Variants in APBA1 observed in about 807,000 individuals in gnomAD.
APBA1 encodes the protein amyloid-beta A4 precursor protein-binding family A member 1.
Under a neutral mutation model 86.6 loss-of-function variants are expected in APBA1, and 55 were observed. That is an observed-to-expected ratio of 0.64 (90% confidence interval 0.51 to 0.80). The LOEUF is 0.80. Ranked by LOEUF, APBA1 falls within the 30% of genes least tolerant of loss-of-function variation. The pLI is 0.00. For synonymous variants in APBA1, 511 were observed against 493.9 expected, an observed-to-expected ratio of 1.03 and a Z score of -0.46; for missense variants, 1,090 against 1,183.0, an observed-to-expected ratio of 0.92 and a Z score of 1.15.
chr9:69,648,201 G>T (rs932441808), intron 1 of APBA1, among the ~76,000 whole-genome samples: 1 of 152,198 alleles, frequency 6.6e-6, no homozygotes, highest in Non-Finnish European at 1.5e-5. Flanking sequence ...CTCACCAAGA[G>T]CAGTGTCCTT....
chr9:69,658,157 G>T (rs1000372739), intron 1 of APBA1, among the ~76,000 whole-genome samples: 1 of 152,144 alleles, frequency 6.6e-6, no homozygotes, highest in Non-Finnish European at 1.5e-5. Flanking sequence ...CAACCTAATA[G>T]CTCCCTTGGT....
At chr9:69,620,399 G>A (rs950690579) in intron 1 of APBA1, among the ~76,000 whole-genome samples, 4 of 151,920 alleles carry the variant, frequency 2.6e-5, no homozygotes, top group East Asian at 1.9e-4. Flanking sequence ...ACAGAGTGCC[G>A]GCCAGGCATG....
At chr9:69,546,279 G>A (rs1026616720) in intron 1 of APBA1, among the ~76,000 whole-genome samples, 1 of 152,226 alleles carries the variant, frequency 6.6e-6, no homozygotes, top group Non-Finnish European at 1.5e-5. Context: ...CAGTAGCAGA[G>A]CGAGTTATTC....
At chr9:69,645,731 C>A (rs1823379018) in intron 1 of APBA1, among the ~76,000 whole-genome samples, 1 of 152,190 alleles carries the variant, frequency 6.6e-6, no homozygotes, top group African/African-American at 2.4e-5. Context: ...TTGAGGATGG[C>A]AGGGCCAGCA....
chr9:69,434,726 A>G (rs1002846954), intron 11 of APBA1, among the ~76,000 whole-genome samples: 1 of 151,618 alleles, frequency 6.6e-6, no homozygotes, highest in Non-Finnish European at 1.5e-5. Flanking sequence ...AAAAAAAAAA[A>G]GGCCATGCTA....
intron 1 of APBA1, among the ~76,000 whole-genome samples, chr9:69,621,942 T>C (rs762335029): frequency 6.6e-6 from 1 of 152,208 alleles, no homozygotes; most frequent in Non-Finnish European, 1.5e-5. Flanking sequence ...CCGTCCCAGA[T>C]GGCAAACTGA....
intron 1 of APBA1, among the ~76,000 whole-genome samples, chr9:69,660,564 T>C (rs550637429): frequency 6.6e-6 from 1 of 152,204 alleles, no homozygotes; most frequent in African/African-American, 2.4e-5. Context: ...CTTTTATGGT[T>C]AATAACAGAG....
rs1564045057 is a variant in APBA1 at position 69,471,672 on chromosome 9, G to A, written c.1320C>T (p.Phe440=). ...NKESRKSLAS[F]PTYVEVPGPC... The stretch of plus-strand genomic sequence containing the variant: ...AGCTCTTACCTTCAACGTAGGTTGG[G>A]AATGAAGCCAAGCTTTTTCTTGACT... Residue 440 remains phenylalanine (F), a synonymous_variant, in exon 4 of 13, where the codon TTC becomes TTT. Coordinates refer to ENST00000265381, the MANE Select transcript of APBA1 (RefSeq NM_001163.4). 2.5e-6 allele frequency: 4 copies of A among 1,613,598 alleles called. No individual in the cohort carries two copies.
intron 10 of APBA1, among the ~76,000 whole-genome samples, chr9:69,445,358 T>G (rs1300007537): frequency 6.6e-6 from 1 of 152,212 alleles, no homozygotes; most frequent in Non-Finnish European, 1.5e-5. Context: ...ATGTTTCATG[T>G]TGGGTCCCAT....
intron 1 of APBA1, among the ~76,000 whole-genome samples, chr9:69,533,253 GAGGCAGGGA>G (rs982073476): frequency 6.6e-6 from 1 of 152,110 alleles, no homozygotes; most frequent in Non-Finnish European, 1.5e-5. Context: ...ATTTCTTTTG[GAGGCAGGGA>G]AGGAATGAGA....
intron 1 of APBA1, among the ~76,000 whole-genome samples, chr9:69,654,887 A>G (rs1823577682): frequency 6.6e-6 from 1 of 152,216 alleles, no homozygotes; most frequent in Non-Finnish European, 1.5e-5. Flanking sequence ...CCCAGGGGTG[A>G]AAGGATGGTT....
chr9:69,533,894 T>C (rs1183369330), intron 1 of APBA1, among the ~76,000 whole-genome samples: 1 of 152,220 alleles, frequency 6.6e-6, no homozygotes, highest in Non-Finnish European at 1.5e-5. Context: ...CATGTGTTAA[T>C]GGAGCACTAG....
intron 1 of APBA1, among the ~76,000 whole-genome samples, chr9:69,529,119 T>C (rs947216330): frequency 6.6e-6 from 1 of 152,156 alleles, no homozygotes; most frequent in Non-Finnish European, 1.5e-5. Flanking sequence ...GATTGAATTC[T>C]TGTTCCTGAG....
intron 2 of APBA1, among the ~76,000 whole-genome samples, chr9:69,482,566 G>A (rs993625629): frequency 2.7e-5 from 4 of 150,462 alleles, no homozygotes; most frequent in Non-Finnish European, 4.4e-5. Context: ...TCAGTGTGGC[G>A]ATTCCTCAGG....
chr9:69,635,458 G>GAA (rs200322440), intron 1 of APBA1, among the ~76,000 whole-genome samples: 2 of 151,544 alleles, frequency 1.3e-5, no homozygotes, highest in African/African-American at 4.9e-5. Context: ...AATACAGCCA[G>GAA]AAAAAAACAA....
intron 1 of APBA1, among the ~76,000 whole-genome samples, chr9:69,606,203 A>G (rs1438578076): frequency 6.6e-6 from 1 of 152,232 alleles, no homozygotes; most frequent in Non-Finnish European, 1.5e-5. Context: ...CCATTAGCAG[A>G]GAATTGCTTT....
In APBA1 at chr9:69,455,759, G is replaced by A. The variant is rs3829093; in HGVS notation, c.1788+488C>T. ...ACCTGCTCAAACCCCTACAGGAGGT[G>A]CCAAATTCTTCCTACTCTTCACCTC... On this transcript the variant is annotated intron_variant, in intron 8 of 12. Coordinates refer to ENST00000265381, the MANE Select transcript of APBA1 (RefSeq NM_001163.4). Among the ~76,000 whole-genome samples, 254 of 152,230 alleles carry A rather than the reference G, an allele frequency of 1.7e-3. 5 individuals are homozygous for A. In the East Asian group the frequency reaches 0.047, roughly 28 times the overall value.
At chr9:69,619,808 GCAGT>G (rs1176873760) in intron 1 of APBA1, among the ~76,000 whole-genome samples, 1 of 152,172 alleles carries the variant, frequency 6.6e-6, no homozygotes. Context: ...ATTGACAGAG[GCAGT>G]CAGACTGCCC....
intron 1 of APBA1, among the ~76,000 whole-genome samples, chr9:69,575,154 G>A (rs897173814): frequency 5.9e-5 from 9 of 152,118 alleles, no homozygotes; most frequent in African/African-American, 2.2e-4. Flanking sequence ...CTGGGCTCAA[G>A]CAATCCACTG....
Sources: allele counts gnomAD v4.1 joint callset (sites outside exome capture counted in the v4.1 genomes callset), GRCh38; gene constraint gnomAD v4.1.1; transcripts MANE v1.5; gene names NCBI Gene and HGNC (gene_info 2026-07-23, HGNC 2026-07-21).